SLC25A13: variants seen among roughly 807,000 people sequenced by gnomAD.
The protein encoded by SLC25A13 is solute carrier family 25 member 13, also known as electrogenic aspartate/glutamate antiporter SLC25A13, mitochondrial.
SLC25A13 carries 70 observed loss-of-function variants against 85.5 expected under a neutral mutation model. That is an observed-to-expected ratio of 0.82 (90% CI 0.68 to 1.00). The LOEUF (loss-of-function observed/expected upper bound fraction) is 1.00, where lower values mean the gene tolerates loss of function less well. Among genes scored for constraint, SLC25A13 ranks in the 50% least tolerant of loss-of-function variants. The pLI, the probability that SLC25A13 is intolerant of heterozygous loss-of-function variation, is 0.00. For missense variants in SLC25A13, 765 were observed against 819.8 expected (o/e 0.93, Z 0.82); for synonymous variants, 259 against 288.7 (o/e 0.90, Z 1.04).
intron 7 of SLC25A13, 75 bp downstream of exon 7, chr7:96,191,034 C>G (rs1025093969): frequency 1.2e-4 from 179 of 1,520,728 alleles, no homozygotes; most frequent in Non-Finnish European, 1.6e-4. Context: ...TAATAAAGTA[C>G]TAGTTGCCTT....
At chr7:96,293,263 T>C (rs1446813589) in intron 2 of SLC25A13, among the ~76,000 whole-genome samples, 2 of 152,160 alleles carry the variant, frequency 1.3e-5, no homozygotes, top group Admixed American at 6.5e-5. Flanking sequence ...CCTTACACCT[T>C]ATACAAAAAT....
intron 11 of SLC25A13, among the ~76,000 whole-genome samples, chr7:96,182,118 A>C (rs956803347): frequency 2.0e-5 from 3 of 152,230 alleles, no homozygotes; most frequent in Non-Finnish European, 4.4e-5. Context: ...TACAATTATT[A>C]ATTATTGATG....
At position 96,133,771 on chromosome 7, in the gene SLC25A13, C is replaced by T. The variant is rs117854905; in HGVS notation, c.1453-1890G>A. Among the ~76,000 whole-genome samples the T allele has an allele frequency of 6.0e-3, 912 of 151,798 alleles. 6 individuals are homozygous for T. The highest frequency in any genetic ancestry group is 0.01 in the Non-Finnish European group (701 of 67,932). ...TCCAGAAGATACTCAAATTAGACAT[C>T]AAATAATCAACTCAAATGAAGATCA... On this transcript the variant is annotated intron_variant, in intron 14 of 17. Transcript: ENST00000265631.
At chr7:96,279,717 A>C (rs1324576285) in intron 2 of SLC25A13, among the ~76,000 whole-genome samples, 1 of 152,222 alleles carries the variant, frequency 6.6e-6, no homozygotes, top group Non-Finnish European at 1.5e-5. Flanking sequence ...TCAAGACTAA[A>C]TATCAGAGAG....
intron 2 of SLC25A13, among the ~76,000 whole-genome samples, chr7:96,281,533 T>C (rs920883958): frequency 3.3e-5 from 5 of 151,802 alleles, no homozygotes; most frequent in Non-Finnish European, 7.4e-5. Context: ...AAAACTTACA[T>C]ACAGTTAGTT....
intron 8 of SLC25A13, 57 bp from the exon 9 acceptor site, chr7:96,189,435 T>C (rs1794759930): frequency 6.3e-7 from 1 of 1,575,922 alleles, no homozygotes; most frequent in East Asian, 2.2e-5. Context: ...CAATTTACAT[T>C]ATAAAATTTA....
chr7:96,314,624 G>T (rs1800065769), intron 1 of SLC25A13, among the ~76,000 whole-genome samples: 1 of 152,134 alleles, frequency 6.6e-6, no homozygotes, highest in Admixed American at 6.6e-5. Flanking sequence ...AACCAGAGAG[G>T]AGGAAGCGCT....
At chr7:96,221,892 C>A (rs1398148363) in intron 4 of SLC25A13, among the ~76,000 whole-genome samples, 1 of 152,144 alleles carries the variant, frequency 6.6e-6, no homozygotes, top group Non-Finnish European at 1.5e-5. Flanking sequence ...ACAATTACAT[C>A]CACATCAGAG....
At chr7:96,151,474 G>A (rs913154812) in intron 13 of SLC25A13, among the ~76,000 whole-genome samples, 1 of 152,016 alleles carries the variant, frequency 6.6e-6, no homozygotes, top group Non-Finnish European at 1.5e-5. Context: ...ACGCACACCT[G>A]TAATCCCAGC....
At chr7:96,244,374 AGACTCAC>A (rs1418031690) in intron 3 of SLC25A13, among the ~76,000 whole-genome samples, 1 of 152,214 alleles carries the variant, frequency 6.6e-6, no homozygotes, top group Non-Finnish European at 1.5e-5. Context: ...ACACAAACGA[AGACTCAC>A]GACTCCAATT....
intron 3 of SLC25A13, among the ~76,000 whole-genome samples, chr7:96,268,029 G>C (rs1438898638): frequency 2.0e-5 from 3 of 152,018 alleles, no homozygotes; most frequent in African/African-American, 7.3e-5. Context: ...ATTCCTTTGT[G>C]ACCCTAGCAA....
At chr7:96,234,645 C>G (rs574235264) in intron 4 of SLC25A13, among the ~76,000 whole-genome samples, 157 bp downstream of exon 4, 2 of 152,056 alleles carry the variant, frequency 1.3e-5, no homozygotes, top group South Asian at 4.2e-4. Flanking sequence ...GATGTTTGAA[C>G]TGGAGCTCCA....
chr7:96,130,718 T>G (rs1262197572), intron 15 of SLC25A13, among the ~76,000 whole-genome samples: 1 of 152,216 alleles, frequency 6.6e-6, no homozygotes, highest in Non-Finnish European at 1.5e-5. Flanking sequence ...GAAATCATGA[T>G]CTCTTGCTCT....
intron 3 of SLC25A13, among the ~76,000 whole-genome samples, chr7:96,256,890 T>C (rs1229792100): frequency 6.6e-6 from 1 of 152,142 alleles, no homozygotes; most frequent in East Asian, 1.9e-4. Flanking sequence ...GCAATCAAAG[T>C]AGAACTCAGG....
At chr7:96,257,238 C>A (rs999508135) in intron 3 of SLC25A13, among the ~76,000 whole-genome samples, 1 of 152,026 alleles carries the variant, frequency 6.6e-6, no homozygotes, top group Non-Finnish European at 1.5e-5. Context: ...GAGACACAGA[C>A]ACAAAATACC....
chr7:96,295,744 T>C (rs1458629572), intron 2 of SLC25A13, among the ~76,000 whole-genome samples: 2 of 152,086 alleles, frequency 1.3e-5, no homozygotes, highest in African/African-American at 4.8e-5. Flanking sequence ...CCATATTCAG[T>C]ACACATCAAA....
intron 14 of SLC25A13, among the ~76,000 whole-genome samples, chr7:96,133,007 T>A (rs1310890992): frequency 6.6e-6 from 1 of 152,222 alleles, no homozygotes; most frequent in African/African-American, 2.4e-5. Flanking sequence ...CTTTTTCATA[T>A]GAATTACTAT....
chr7:96,174,537 A>C (rs1367627421), intron 11 of SLC25A13, among the ~76,000 whole-genome samples: 4 of 152,228 alleles, frequency 2.6e-5, no homozygotes, highest in African/African-American at 7.2e-5. Flanking sequence ...TGAAATTTTC[A>C]TCTTTCTCCC....
chr7:96,219,615 G>T, intron 4 of SLC25A13: 1 of 514,168 alleles, frequency 1.9e-6, no homozygotes, highest in Non-Finnish European at 4.0e-6. Flanking sequence ...CATTCCCTTG[G>T]AGAGCTTGTT....
Sources: gnomAD v4.1 joint callset for allele counts (sites outside exome capture counted in the v4.1 genomes callset) on GRCh38, gnomAD v4.1.1 for gene constraint, MANE v1.5 for transcripts, NCBI Gene and HGNC (gene_info 2026-07-23, HGNC 2026-07-21) for gene names.